MYO1H: variants seen among roughly 807,000 people sequenced by gnomAD.
MYO1H encodes unconventional myosin-Ih.
A neutral mutation model predicts 149.3 loss-of-function variants in MYO1H; 118 were observed. That is an observed-to-expected ratio of 0.79 (90% CI 0.68 to 0.92). MYO1H has a LOEUF of 0.92. MYO1H is among the 40% of genes least tolerant of loss of function. The probability of loss-of-function intolerance (pLI) is 0.00; values close to 1 mark genes in which losing one functional copy is unlikely to be tolerated. For missense variants in MYO1H, 1,212 were observed against 1,280.7 expected (o/e 0.95, Z 0.82); for synonymous variants, 447 against 465.2 (o/e 0.96, Z 0.50).
intron 21 of MYO1H, among the ~76,000 whole-genome samples, 175 bp from the exon 22 acceptor site, chr12:109,436,313 G>A (rs1016924962): frequency 4.6e-5 from 7 of 152,052 alleles, no homozygotes; most frequent in Non-Finnish European, 1.0e-4. Context: ...GGAGCCAGGC[G>A]TCATGTAACC....
intron 1 of MYO1H, among the ~76,000 whole-genome samples, chr12:109,380,445 C>T (rs901345724): frequency 6.6e-6 from 1 of 152,134 alleles, no homozygotes; most frequent in African/African-American, 2.4e-5. Context: ...CTAAAAAACA[C>T]AGTAATGTGT....
intron 1 of MYO1H, among the ~76,000 whole-genome samples, chr12:109,376,569 T>A (rs1396884209): frequency 6.6e-6 from 1 of 152,242 alleles, no homozygotes; most frequent in African/African-American, 2.4e-5. Flanking sequence ...TTCTCACTGC[T>A]TTGTTCTGCT....
intron 17 of MYO1H, among the ~76,000 whole-genome samples, chr12:109,425,118 TAA>T (rs899310622): frequency 1.3e-4 from 20 of 151,632 alleles, no homozygotes; most frequent in African/African-American, 4.8e-4. Context: ...AAAATAAAAA[TAA>T]AAACAAATCA....
rs1395543576 is a variant in MYO1H at position 109,447,538 on chromosome 12, C to CTG, written c.*360_*361dup. Reference sequence around the variant, plus strand: ...AGCTGCCCTGAGACATGATGAAATACTGTGTACAGCAAGTTCTCAAATAAC... The same window carrying CTG: ...AGCTGCCCTGAGACATGATGAAATACTGTGTGTACAGCAAGTTCTCAAATAAC... On this transcript the variant is annotated 3_prime_UTR_variant, in exon 32 of 32. Transcript: ENST00000310903. 16 of 357,984 alleles carry CTG rather than the reference C, an allele frequency of 4.5e-5. No individual in the cohort carries two copies. In the East Asian group the frequency reaches 7.7e-4, roughly 17 times the overall value. 22.2% of individuals were successfully genotyped at this position (357,984 alleles called of 1,614,324 possible). A position where few individuals can be genotyped will look rare whatever the true frequency, so the allele number is the denominator to read the frequency against.
intron 3 of MYO1H, 97 bp downstream of exon 3, chr12:109,393,543 C>CCACCCATT: frequency 1.9e-6 from 1 of 527,314 alleles, no homozygotes; most frequent in Non-Finnish European, 3.4e-6. Flanking sequence ...ATCCATTCAT[C>CCACCCATT]CATCCATCCA....
In MYO1H at chr12:109,439,621, T is replaced by C; in HGVS notation, c.2295-10T>C. On this transcript the variant is annotated splice_polypyrimidine_tract_variant and intron_variant, in intron 23 of 31. Transcript: ENST00000310903. ...GGTCCAGAAAAGTAAGAAAACATTT[T>C]CCTTTTTAGGTTCATTAAAGGATTC... The C allele has an allele frequency of 6.2e-7, 1 of 1,603,758 alleles. No individual in the cohort carries two copies. Among genetic ancestry groups the C allele is most frequent in the Non-Finnish European group, 8.5e-7 (1 of 1,173,262 alleles).
upstream of MYO1H, among the ~76,000 whole-genome samples, chr12:109,345,337 C>G (rs2048099280): frequency 1.3e-5 from 2 of 152,006 alleles, no homozygotes; most frequent in Admixed American, 1.3e-4. Flanking sequence ...ATAGAAATGG[C>G]AAATACACAT....
At chr12:109,318,982 T>TTTTTTTTTTTTTTTTTTC in the MYO1H span, among the ~76,000 whole-genome samples, 1 of 144,912 alleles carries the variant, frequency 6.9e-6, no homozygotes, top group African/African-American at 2.6e-5. Flanking sequence ...GTTTTTTTTT[T>TTTTTTTTTTTTTTTTTTC]TTTTTTTTTT....
At chr12:109,437,241 CCACTCTCTTGAATTTTGCATTAAT>C (rs1871898716) in intron 22 of MYO1H, among the ~76,000 whole-genome samples, 1 of 152,132 alleles carries the variant, frequency 6.6e-6, no homozygotes, top group Non-Finnish European at 1.5e-5. Flanking sequence ...TTGAGAGTAA[CCACTCTCTTGAATTTTGCATTAAT>C]CATTCTCTTG....
At chr12:109,328,908 A>G in the MYO1H span, among the ~76,000 whole-genome samples, 1 of 152,334 alleles carries the variant, frequency 6.6e-6, no homozygotes, top group Admixed American at 6.5e-5. Flanking sequence ...ATTCGCTGGG[A>G]GAGTAGACCT....
intron 1 of MYO1H, among the ~76,000 whole-genome samples, chr12:109,373,785 T>C (rs1486667737): frequency 6.6e-6 from 1 of 152,182 alleles, no homozygotes; most frequent in Non-Finnish European, 1.5e-5. Context: ...CAGTGAAAGA[T>C]ACAAAACCCA....
intron 2 of MYO1H, among the ~76,000 whole-genome samples, chr12:109,389,447 C>T (rs79271543): frequency 0.058 from 8,893 of 152,080 alleles, 851 homozygotes; most frequent in African/African-American, 0.2. Flanking sequence ...ACGGTATAGG[C>T]AGAGAGCTGG....
At chr12:109,415,087 G>A (rs530414796) in intron 14 of MYO1H, among the ~76,000 whole-genome samples, 2 of 152,188 alleles carry the variant, frequency 1.3e-5, no homozygotes, top group Non-Finnish European at 2.9e-5. Context: ...GCCTCCCTGT[G>A]TGGTGGCTTT....
the MYO1H span, among the ~76,000 whole-genome samples, chr12:109,325,570 C>A: frequency 6.6e-6 from 1 of 152,086 alleles, no homozygotes; most frequent in African/African-American, 2.4e-5. Context: ...CAACAAAAGG[C>A]AAAATTGACA....
At chr12:109,430,787 G>A (rs1871577524) in intron 19 of MYO1H, among the ~76,000 whole-genome samples, 2 of 152,090 alleles carry the variant, frequency 1.3e-5, no homozygotes, top group African/African-American at 2.4e-5. Flanking sequence ...TTAGCTGGGC[G>A]TGGTGGCACA....
chr12:109,407,468 T>A (rs1033944338), intron 9 of MYO1H, among the ~76,000 whole-genome samples: 2 of 152,028 alleles, frequency 1.3e-5, no homozygotes, highest in Admixed American at 1.3e-4. Context: ...TTGCCAGTCA[T>A]CATTAAACAC....
At chr12:109,387,448 T>G (rs1411763563) in intron 1 of MYO1H, among the ~76,000 whole-genome samples, 1 of 152,216 alleles carries the variant, frequency 6.6e-6, no homozygotes, top group Non-Finnish European at 1.5e-5. Flanking sequence ...GTCAATTTAT[T>G]GCCTCTCAGA....
At chr12:109,363,669 G>T (rs919543688) in intron 1 of MYO1H, among the ~76,000 whole-genome samples, 1 of 151,754 alleles carries the variant, frequency 6.6e-6, no homozygotes, top group Non-Finnish European at 1.5e-5. Context: ...CTGAGATCAC[G>T]CCATTGCACT....
intron 20 of MYO1H, 137 bp downstream of exon 20, chr12:109,433,147 A>G: frequency 1.4e-6 from 1 of 702,506 alleles, no homozygotes; most frequent in Admixed American, 2.3e-5. Flanking sequence ...TGCTTCATCT[A>G]CTCGATGTAA....
Sources: allele counts gnomAD v4.1 joint callset (sites outside exome capture counted in the v4.1 genomes callset), GRCh38; gene constraint gnomAD v4.1.1; transcripts MANE v1.5; gene names NCBI Gene and HGNC (gene_info 2026-07-23, HGNC 2026-07-21).